Variants in DNAH14 observed in about 807,000 individuals in gnomAD.
DNAH14 encodes axonemal beta dynein heavy chain 14.
In DNAH14, 478 loss-of-function variants were observed where a neutral mutation model predicts 520.9. That is an observed-to-expected ratio of 0.92 (90% confidence interval 0.85 to 0.99). The LOEUF (loss-of-function observed/expected upper bound fraction) is 0.99, where lower values mean the gene tolerates loss of function less well. Ranked by LOEUF, DNAH14 falls within the 50% of genes least tolerant of loss-of-function variation. The pLI is 0.00. For synonymous variants in DNAH14, 1,581 were observed against 1,757.2 expected, an observed-to-expected ratio of 0.90 and a Z score of 2.51; for missense variants, 4,831 against 5,234.5, an observed-to-expected ratio of 0.92 and a Z score of 2.38.
At chr1:224,952,433 A>G (rs1052065960) in intron 1 of DNAH14, among the ~76,000 whole-genome samples, 1 of 152,242 alleles carries the variant, frequency 6.6e-6, no homozygotes, top group African/African-American at 2.4e-5. Context: ...AATGCATGTA[A>G]GATGGAAACA....
intron 23 of DNAH14, among the ~76,000 whole-genome samples, chr1:225,105,456 T>C (rs535112183): frequency 6.6e-6 from 1 of 152,296 alleles, no homozygotes; most frequent in East Asian, 1.9e-4. Context: ...ACTTTCTGTC[T>C]TGTTGATCTG....
At chr1:225,067,728 CT>C (rs954474948) in intron 17 of DNAH14, among the ~76,000 whole-genome samples, 1 of 151,948 alleles carries the variant, frequency 6.6e-6, no homozygotes, top group African/African-American at 2.4e-5. Context: ...TGATGTTGAG[CT>C]TTTTTTTCAT....
Position 225,070,293 on chromosome 1 carries a change from A to T in DNAH14, c.2425-8914A>T, listed in dbSNP as rs970252058. Among the ~76,000 whole-genome samples the T allele has an allele frequency of 4.6e-5, 7 of 151,738 alleles. 1 individual carries two copies. Among genetic ancestry groups the T allele is most frequent in the Admixed American group, 6.6e-5 (1 of 15,260 alleles). ...TAGTTCTCTAGGTCTTTTAGTTGTGATGTTAGGTTGTTAACTTGAGATCTT... is the reference window on the plus strand; with the variant it reads ...TAGTTCTCTAGGTCTTTTAGTTGTGTTGTTAGGTTGTTAACTTGAGATCTT... On this transcript the variant is annotated intron_variant, in intron 17 of 85. Transcript: ENST00000682510.
At chr1:225,116,075 T>G (rs1224364983) in intron 23 of DNAH14, among the ~76,000 whole-genome samples, 1 of 152,118 alleles carries the variant, frequency 6.6e-6, no homozygotes, top group Admixed American at 6.6e-5. Flanking sequence ...GGAAGAGTAT[T>G]TTAGGCAAAG....
chr1:224,960,310 G>T lies in DNAH14; in HGVS notation c.367+8G>T, dbSNP rs990304763. The T allele has an allele frequency of 6.4e-7, 1 of 1,565,258 alleles. No homozygotes were observed. The highest frequency in any genetic ancestry group is 2.3e-5 in the East Asian group (1 of 43,634). On this transcript the variant is annotated splice_region_variant and intron_variant, in intron 4 of 85. Coordinates refer to ENST00000682510, the MANE Select transcript of DNAH14 (RefSeq NM_001367479.1). ...TGTCCTATGATAGAACAGGTATGTG[G>T]TATCACTGAACCAATTGCTTAGAAA...
chr1:225,210,716 C>A (rs2088260690), intron 41 of DNAH14, among the ~76,000 whole-genome samples: 1 of 152,160 alleles, frequency 6.6e-6, no homozygotes, highest in Non-Finnish European at 1.5e-5. Context: ...GGATAAACCT[C>A]CCAGCAGGGG....
chr1:225,315,737 C>T (rs1039244321), intron 60 of DNAH14, among the ~76,000 whole-genome samples: 10 of 152,154 alleles, frequency 6.6e-5, no homozygotes, highest in Non-Finnish European at 1.5e-4. Context: ...CACTCCAGAT[C>T]CTGTTTGTCT....
At chr1:225,298,894 C>G (rs980740056) in intron 55 of DNAH14, among the ~76,000 whole-genome samples, 3 of 152,202 alleles carry the variant, frequency 2.0e-5, no homozygotes, top group Non-Finnish European at 2.9e-5. Context: ...TACCTTTTCT[C>G]CACAAGGAGA....
chr1:225,021,158 CAG>C (rs1250402289), intron 10 of DNAH14, among the ~76,000 whole-genome samples: 1 of 152,126 alleles, frequency 6.6e-6, no homozygotes, highest in East Asian at 1.9e-4. Flanking sequence ...TCAAAATAAT[CAG>C]AGCCATATAT....
At chr1:225,380,105 C>G in intron 79 of DNAH14, 54 bp from the exon 80 acceptor site, 1 of 1,497,994 alleles carries the variant, frequency 6.7e-7, no homozygotes, top group South Asian at 1.3e-5. Flanking sequence ...AAATCTCTCC[C>G]CATCTCCCCA....
At chr1:225,239,034 C>T (rs2091799423) in intron 42 of DNAH14, among the ~76,000 whole-genome samples, 1 of 152,170 alleles carries the variant, frequency 6.6e-6, no homozygotes, top group Non-Finnish European at 1.5e-5. Context: ...GGAATTTGGT[C>T]CCATCTCACA....
chr1:225,393,820 TTTTTG>T (rs2095959169), intron 84 of DNAH14, among the ~76,000 whole-genome samples: 1 of 146,684 alleles, frequency 6.8e-6, no homozygotes, highest in South Asian at 2.1e-4. Context: ...TTTTGTTTTT[TTTTTG>T]TTTTTTTTTT....
At chr1:225,273,661 A>C (rs2093377322) in intron 52 of DNAH14, among the ~76,000 whole-genome samples, 1 of 152,018 alleles carries the variant, frequency 6.6e-6, no homozygotes, top group South Asian at 2.1e-4. Context: ...AAAACTGTTC[A>C]TTTTTCTCCA....
intron 36 of DNAH14, among the ~76,000 whole-genome samples, chr1:225,176,319 G>A (rs2083327429): frequency 6.6e-6 from 1 of 152,068 alleles, no homozygotes; most frequent in African/African-American, 2.4e-5. Context: ...AAAGATACTT[G>A]ATTGGATTTC....
chr1:225,036,016 A>C (rs2066928457), intron 11 of DNAH14, among the ~76,000 whole-genome samples: 1 of 152,216 alleles, frequency 6.6e-6, no homozygotes, highest in Non-Finnish European at 1.5e-5. Flanking sequence ...GGAAAGAAAC[A>C]TGAAAGGCGG....
At chr1:225,165,562 CTTGT>C (rs202188752) in intron 35 of DNAH14, among the ~76,000 whole-genome samples, 18 of 139,378 alleles carry the variant, frequency 1.3e-4, no homozygotes, top group South Asian at 2.4e-4. Flanking sequence ...TTTTTTTTTA[CTTGT>C]TTGTTTGGTT....
chr1:224,935,555 T>G (rs1469359371), intron 1 of DNAH14, among the ~76,000 whole-genome samples: 1 of 151,830 alleles, frequency 6.6e-6, no homozygotes, highest in African/African-American at 2.4e-5. Flanking sequence ...CAACCAACAC[T>G]GGAGCACCCA....
At position 225,399,163 on chromosome 1, in the gene DNAH14, G is replaced by T; in HGVS notation, c.13748G>T (p.Gly4583Val). 1 of 1,551,482 alleles carries T rather than the reference G, an allele frequency of 6.4e-7. No individual in the cohort carries two copies. Among genetic ancestry groups the T allele is most frequent in the Non-Finnish European group, 8.7e-7 (1 of 1,146,918 alleles). Residue 4583 changes from glycine to valine, a missense_variant, in exon 86 of 86, where the codon GGT (glycine) becomes GTT (valine). By Grantham distance (109) the Gly-to-Val change is moderately radical. Transcript: ENST00000682510. ...PERSRILATT[G>V]LPTNFLTSVY... ...AGGTCAAGAATTTTGGCAACTACCG[G>T]TTTACCAACAAACTTTTTAACATCA...
intron 28 of DNAH14, among the ~76,000 whole-genome samples, chr1:225,143,038 A>G (rs2079595855): frequency 6.6e-6 from 1 of 152,178 alleles, no homozygotes; most frequent in African/African-American, 2.4e-5. Flanking sequence ...TAAGACAAAA[A>G]TACTTTCTAA....
Sources: gnomAD v4.1 joint callset for allele counts (sites outside exome capture counted in the v4.1 genomes callset) on GRCh38, gnomAD v4.1.1 for gene constraint, MANE v1.5 for transcripts, NCBI Gene and HGNC (gene_info 2026-07-23, HGNC 2026-07-21) for gene names.